NKAIN3: variants seen among roughly 807,000 people sequenced by gnomAD.
NKAIN3 encodes sodium/potassium transporting ATPase interacting 3.
Under a neutral mutation model 30.2 loss-of-function variants are expected in NKAIN3, and 25 were observed. That is an observed-to-expected ratio of 0.83 (90% CI 0.60 to 1.16). NKAIN3 has a LOEUF of 1.16. Among genes scored for constraint, NKAIN3 ranks in the 50% most tolerant of loss-of-function variants. The probability of loss-of-function intolerance (pLI) is 0.00; values close to 1 mark genes in which losing one functional copy is unlikely to be tolerated. For missense variants in NKAIN3, 225 were observed against 254.1 expected (o/e 0.89, Z 0.78); for synonymous variants, 91 against 89.6 (o/e 1.02, Z -0.09).
intron 4 of NKAIN3, among the ~76,000 whole-genome samples, chr8:62,894,168 G>T (rs1056794255): frequency 6.6e-5 from 10 of 152,116 alleles, no homozygotes; most frequent in Non-Finnish European, 1.5e-4. Context: ...TTGATTATTT[G>T]TATAGTGATC....
intron 6 of NKAIN3, among the ~76,000 whole-genome samples, chr8:62,957,385 C>T (rs1470225272): frequency 6.6e-6 from 1 of 152,210 alleles, no homozygotes; most frequent in East Asian, 1.9e-4. Flanking sequence ...CCGCCCCCTT[C>T]GGCCTCCCAA....
chr8:62,517,132 T>G (rs1172898012), intron 1 of NKAIN3, among the ~76,000 whole-genome samples: 4 of 152,112 alleles, frequency 2.6e-5, no homozygotes, highest in Non-Finnish European at 1.5e-5. Flanking sequence ...AAATTATAAT[T>G]TTTTTTCTCT....
At chr8:62,626,670 T>C (rs1811799204) in intron 3 of NKAIN3, among the ~76,000 whole-genome samples, 1 of 152,054 alleles carries the variant, frequency 6.6e-6, no homozygotes, top group East Asian at 1.9e-4. Flanking sequence ...TTTTCATCTA[T>C]GAAAAGAACA....
intron 2 of NKAIN3, among the ~76,000 whole-genome samples, chr8:62,585,878 G>T (rs565215725): frequency 2.6e-5 from 4 of 151,986 alleles, no homozygotes; most frequent in African/African-American, 9.6e-5. Context: ...TTTACTCCTC[G>T]GTCAAATATG....
intron 1 of NKAIN3, among the ~76,000 whole-genome samples, chr8:62,563,270 G>C (rs1809646008): frequency 6.6e-6 from 1 of 152,088 alleles, no homozygotes; most frequent in African/African-American, 2.4e-5. Context: ...GACAATTTTT[G>C]GCAGAGGAAG....
At position 62,479,751 on chromosome 8, in the gene NKAIN3, G is replaced by A. The variant is rs146680708; in HGVS notation, c.55-99788G>A. 9.9e-5 allele frequency among the ~76,000 whole-genome samples: 15 copies of A among 152,220 alleles called. No individual in the cohort carries two copies. In the East Asian group the frequency reaches 1.9e-3, roughly 20 times the overall value. On this transcript the variant is annotated intron_variant, in intron 1 of 6. Coordinates refer to ENST00000623646, the MANE Select transcript of NKAIN3 (RefSeq NM_001304533.3). The stretch of plus-strand genomic sequence containing the variant: ...TCACGGCTGTTAGGAGAAGAGATGA[G>A]GAATGTCCCAGCCCTCAGGGTCCCA...
chr8:62,957,157 G>A (rs763477908), intron 6 of NKAIN3, among the ~76,000 whole-genome samples: 2 of 151,260 alleles, frequency 1.3e-5, no homozygotes, highest in Admixed American at 6.6e-5. Flanking sequence ...TTTTTAAGAC[G>A]GAGTCTTGCT....
At chr8:62,997,147 G>T (rs1308140040) in intron 5 of NKAIN3, among the ~76,000 whole-genome samples, 2 of 152,148 alleles carry the variant, frequency 1.3e-5, no homozygotes, top group African/African-American at 4.8e-5. Context: ...GGAGGCAATA[G>T]AACTGTTTAC....
In NKAIN3 at chr8:62,807,917, A is replaced by G. The variant is rs138183591; in HGVS notation, c.471+60788A>G. Among the ~76,000 whole-genome samples, 61 of 151,866 alleles carry G rather than the reference A, an allele frequency of 4.0e-4. No homozygotes were observed. In the East Asian group the frequency reaches 0.011, roughly 28 times the overall value. On this transcript the variant is annotated intron_variant, in intron 4 of 6. Coordinates refer to ENST00000623646, the MANE Select transcript of NKAIN3 (RefSeq NM_001304533.3). ...ATTGTGATTATGTTAAAAATAGGCTATATGTTTTAGAATGAATACTGGAAT... is the reference window on the plus strand; with the variant it reads ...ATTGTGATTATGTTAAAAATAGGCTGTATGTTTTAGAATGAATACTGGAAT...
intron 1 of NKAIN3, among the ~76,000 whole-genome samples, chr8:62,367,278 A>T (rs1816764851): frequency 6.6e-6 from 1 of 152,182 alleles, no homozygotes; most frequent in South Asian, 2.1e-4. Flanking sequence ...AAAAAAAAAA[A>T]TAGGGTGATG....
intron 3 of NKAIN3, among the ~76,000 whole-genome samples, chr8:62,596,041 A>T (rs1810822315): frequency 6.6e-6 from 1 of 152,064 alleles, no homozygotes; most frequent in Non-Finnish European, 1.5e-5. Context: ...TATATGCTTG[A>T]TAGTTTTGAA....
chr8:62,694,042 T>C (rs923333380), intron 3 of NKAIN3, among the ~76,000 whole-genome samples: 1 of 152,226 alleles, frequency 6.6e-6, no homozygotes, highest in Non-Finnish European at 1.5e-5. Context: ...ATCAGGGTAA[T>C]TGGAATATCC....
intron 4 of NKAIN3, among the ~76,000 whole-genome samples, chr8:62,805,440 G>A (rs1489070773): frequency 6.6e-6 from 1 of 152,058 alleles, no homozygotes; most frequent in Non-Finnish European, 1.5e-5. Context: ...CATGGTACTG[G>A]TACCAAAACA....
chr8:62,702,246 T>C (rs1814362711), intron 3 of NKAIN3, among the ~76,000 whole-genome samples: 1 of 152,198 alleles, frequency 6.6e-6, no homozygotes, highest in South Asian at 2.1e-4. Flanking sequence ...TCATTCTCAA[T>C]TTGAGTATGT....
chr8:62,858,993 G>T (rs1820153473), intron 4 of NKAIN3, among the ~76,000 whole-genome samples: 1 of 152,194 alleles, frequency 6.6e-6, no homozygotes, highest in South Asian at 2.1e-4. Flanking sequence ...AAGCTCCTGG[G>T]TCTCAGTGCA....
chr8:62,305,489 T>G (rs1814202306), intron 1 of NKAIN3, among the ~76,000 whole-genome samples: 1 of 150,642 alleles, frequency 6.6e-6, no homozygotes, highest in African/African-American at 2.5e-5. Flanking sequence ...ATATACTTCA[T>G]TAAGTGCCTG....
At chr8:62,277,757 T>G (rs1449538519) in intron 1 of NKAIN3, among the ~76,000 whole-genome samples, 1 of 152,186 alleles carries the variant, frequency 6.6e-6, no homozygotes, top group African/African-American at 2.4e-5. Flanking sequence ...AAAATCCACT[T>G]TTAATTTTCT....
At chr8:62,338,034 A>G (rs561166336) in intron 1 of NKAIN3, among the ~76,000 whole-genome samples, 51 of 152,182 alleles carry the variant, frequency 3.4e-4, no homozygotes, top group South Asian at 1.9e-3. Context: ...TTGATAGAAT[A>G]TATGTCCAGT....
At chr8:62,389,074 A>G (rs13274238) in intron 1 of NKAIN3, among the ~76,000 whole-genome samples, 109,053 of 151,976 alleles carry the variant, frequency 0.72, 39,378 homozygotes, top group Non-Finnish European at 0.74. Flanking sequence ...GCCTGTCTGC[A>G]TGGAGGTCCT....
Sources: allele counts gnomAD v4.1 joint callset (sites outside exome capture counted in the v4.1 genomes callset), GRCh38; gene constraint gnomAD v4.1.1; transcripts MANE v1.5; gene names NCBI Gene and HGNC (gene_info 2026-07-23, HGNC 2026-07-21).